The following ABCA10 variants were observed in gnomAD, a reference collection of about 807,000 sequenced individuals.
ABCA10 encodes the protein ATP-binding cassette sub-family A member 10.
In ABCA10, 169 loss-of-function variants were observed where a neutral mutation model predicts 187.5. The observed-to-expected ratio is 0.90, with a 90% CI of 0.80 to 1.02. The LOEUF (loss-of-function observed/expected upper bound fraction) is 1.02, where lower values mean the gene tolerates loss of function less well. Ranked by LOEUF, ABCA10 falls within the 50% of genes least tolerant of loss-of-function variation. ABCA10 has a pLI of 0.00. For missense variants in ABCA10, 1,727 were observed against 1,812.4 expected (o/e 0.95, Z 0.86); for synonymous variants, 574 against 601.8 (o/e 0.95, Z 0.68).
At chr17:69,198,816 T>C (rs752854833) in intron 10 of ABCA10, among the ~76,000 whole-genome samples, 22 of 152,198 alleles carry the variant, frequency 1.4e-4, no homozygotes, top group Admixed American at 4.6e-4. Flanking sequence ...TCCAGTTGTG[T>C]CACCCTCAAA....
In ABCA10 at chr17:69,211,313, T is replaced by TGA. The variant is rs760609727; in HGVS notation, c.1006+3389_1006+3390dup. On this transcript the variant is annotated intron_variant, in intron 9 of 38. Coordinates refer to ENST00000690296, the MANE Select transcript of ABCA10 (RefSeq NM_001377321.1). ...ATATCATATATATACATCATATATATGATATATATATATATATATATATAT... is the reference window on the plus strand; with the variant it reads ...ATATCATATATATACATCATATATATGAGATATATATATATATATATATATAT... Among the ~76,000 whole-genome samples the TGA allele has an allele frequency of 4.3e-5, 5 of 117,484 alleles. No individual in the cohort carries two copies. In the East Asian group the frequency reaches 8.5e-4, roughly 20 times the overall value. 77.1% of individuals were successfully genotyped at this position (117,484 alleles called of 152,430 possible).
chr17:69,230,764 A>T (rs1191175671), upstream of ABCA10, among the ~76,000 whole-genome samples: 3 of 152,004 alleles, frequency 2.0e-5, no homozygotes, highest in East Asian at 5.8e-4. Flanking sequence ...AACTCAGCCA[A>T]TTTTTTCTAA....
At chr17:69,217,252 AAAG>A (rs1197365512) in intron 6 of ABCA10, among the ~76,000 whole-genome samples, 1 of 150,188 alleles carries the variant, frequency 6.7e-6, no homozygotes, top group African/African-American at 2.5e-5. Flanking sequence ...CATCTCAAAA[AAAG>A]AAAAAAAAAA....
At chr17:69,209,482 T>C (rs187765603) in intron 9 of ABCA10, among the ~76,000 whole-genome samples, 9 of 152,322 alleles carry the variant, frequency 5.9e-5, no homozygotes, top group South Asian at 4.1e-4. Flanking sequence ...CTGTAAACGA[T>C]AGTACAATAA....
In ABCA10 at chr17:69,152,486, A is replaced by G; in HGVS notation, c.4137-5T>C. The G allele has an allele frequency of 6.2e-7, 1 of 1,605,618 alleles. No homozygotes were observed. The highest frequency in any genetic ancestry group is 2.2e-5 in the East Asian group (1 of 44,818). ...ACGGTAGCCTGAAGTATCTGCCTAAAGATAAAGTAAGGGATTGTTTGCATT... is the reference window on the plus strand; with the variant it reads ...ACGGTAGCCTGAAGTATCTGCCTAAGGATAAAGTAAGGGATTGTTTGCATT... On this transcript the variant is annotated splice_polypyrimidine_tract_variant and splice_region_variant and intron_variant, in intron 34 of 38. Transcript: ENST00000690296.
At chr17:69,150,820 C>G (rs1031256588) in intron 36 of ABCA10, among the ~76,000 whole-genome samples, 1 of 152,192 alleles carries the variant, frequency 6.6e-6, no homozygotes, top group African/African-American at 2.4e-5. Context: ...CTGGACAGCA[C>G]AGAAAGGACA....
intron 6 of ABCA10, among the ~76,000 whole-genome samples, chr17:69,218,998 G>A (rs2074726226): frequency 6.6e-6 from 1 of 152,142 alleles, no homozygotes; most frequent in Admixed American, 6.5e-5. Flanking sequence ...TTCCCCTCTT[G>A]ACTTTAGTTC....
intron 27 of ABCA10, among the ~76,000 whole-genome samples, chr17:69,158,312 T>C (rs1284789583): frequency 2.0e-5 from 3 of 151,856 alleles, no homozygotes; most frequent in African/African-American, 7.2e-5. Flanking sequence ...AATTATTTCA[T>C]AACATGGTTG....
chr17:69,164,494 T>A (rs1216143322), intron 26 of ABCA10, among the ~76,000 whole-genome samples: 1 of 152,170 alleles, frequency 6.6e-6, no homozygotes. Flanking sequence ...CAGAAGTGGT[T>A]AATAGAATCA....
rs2074102819 is a variant in ABCA10, at chr17:69,148,191, A to G, written c.*636T>C. On this transcript the variant is annotated 3_prime_UTR_variant, in exon 39 of 39. Coordinates refer to ENST00000690296, the MANE Select transcript of ABCA10 (RefSeq NM_001377321.1). Reference sequence around the variant, plus strand: ...AAAGATACAGAAAATGACTATGCCTACTGATACTACCTTTGAAAAAGGATC... The same window carrying G: ...AAAGATACAGAAAATGACTATGCCTGCTGATACTACCTTTGAAAAAGGATC... The G allele has an allele frequency of 6.6e-6, 1 of 152,274 alleles. No homozygotes were observed. Among genetic ancestry groups the G allele is most frequent in the African/African-American group, 2.4e-5 (1 of 41,462 alleles). The allele number at this position is 152,274 out of a possible 1,614,324, so 9.4% of individuals were successfully genotyped here.
chr17:69,190,025 T>C (rs1374869025), intron 18 of ABCA10, among the ~76,000 whole-genome samples: 1 of 152,194 alleles, frequency 6.6e-6, no homozygotes, highest in Non-Finnish European at 1.5e-5. Flanking sequence ...GAATGGCAAG[T>C]AAGAGGCAAT....
At chr17:69,208,856 G>T (rs1784748162) in intron 9 of ABCA10, among the ~76,000 whole-genome samples, 1 of 152,102 alleles carries the variant, frequency 6.6e-6, no homozygotes, top group African/African-American at 2.4e-5. Flanking sequence ...GGGCAACGTA[G>T]CAAGACCCCA....
At chr17:69,215,687 T>G (rs1163019449) in intron 8 of ABCA10, 128 bp downstream of exon 8, 1 of 928,968 alleles carries the variant, frequency 1.1e-6, no homozygotes, top group Non-Finnish European at 1.5e-6. Context: ...TCTTATTTAG[T>G]TTCTCAACAG....
chr17:69,152,205 A>G (rs965580602), intron 35 of ABCA10, 22 bp from the exon 36 acceptor site: 1 of 1,591,840 alleles, frequency 6.3e-7, no homozygotes, highest in Non-Finnish European at 8.5e-7. Context: ...GAAATAAAGA[A>G]AAAATACTTG....
intron 8 of ABCA10, chr17:69,215,589 G>A (rs1179672460): frequency 2.6e-6 from 1 of 390,838 alleles, no homozygotes; most frequent in African/African-American, 2.1e-5. Context: ...TCAGATAATG[G>A]GCAATTATTT....
intron 10 of ABCA10, 121 bp from the exon 11 acceptor site, chr17:69,197,243 G>T (rs1434573559): frequency 1.4e-6 from 1 of 724,516 alleles, no homozygotes; most frequent in South Asian, 2.1e-5. Context: ...GGGATGTAAG[G>T]AGGGCAGTAA....
chr17:69,225,720 T>G (rs2074788593), intron 2 of ABCA10, among the ~76,000 whole-genome samples, 191 bp from the exon 3 acceptor site: 1 of 152,154 alleles, frequency 6.6e-6, no homozygotes, highest in Non-Finnish European at 1.5e-5. Flanking sequence ...ACACAACTTT[T>G]GAGATAATAT....
chr17:69,210,444 C>T (rs1363956036), intron 9 of ABCA10, among the ~76,000 whole-genome samples: 1 of 151,720 alleles, frequency 6.6e-6, no homozygotes, highest in Non-Finnish European at 1.5e-5. Context: ...TCGCCTCGGC[C>T]TCCCAAAGTG....
At chr17:69,211,447 T>C (rs2074658603) in intron 9 of ABCA10, among the ~76,000 whole-genome samples, 1 of 150,750 alleles carries the variant, frequency 6.6e-6, no homozygotes, top group African/African-American at 2.4e-5. Context: ...TTTCTTTTTT[T>C]GTTATGCCCT....
Sources: gnomAD v4.1 joint callset for allele counts (sites outside exome capture counted in the v4.1 genomes callset) on GRCh38, gnomAD v4.1.1 for gene constraint, MANE v1.5 for transcripts, NCBI Gene and HGNC (gene_info 2026-07-23, HGNC 2026-07-21) for gene names.